NRXN3: variants seen among roughly 807,000 people sequenced by gnomAD.
The protein encoded by NRXN3 is neurexin III.
NRXN3 carries 32 observed loss-of-function variants against 137.6 expected under a neutral mutation model. The ratio of observed to expected loss-of-function variants is 0.23; its 90% CI spans 0.18 to 0.31. The LOEUF (loss-of-function observed/expected upper bound fraction) is 0.31, where lower values mean the gene tolerates loss of function less well. Among genes scored for constraint, NRXN3 ranks in the 10% least tolerant of loss-of-function variants. The pLI, the probability that NRXN3 is intolerant of heterozygous loss-of-function variation, is 1.00. For missense variants in NRXN3, 1,574 were observed against 2,062.5 expected (o/e 0.76, Z 4.59); for synonymous variants, 798 against 784.5 (o/e 1.02, Z -0.29).
At chr14:79,520,055 ATGTTATTTT>A (rs1161782804) in intron 16 of NRXN3, among the ~76,000 whole-genome samples, 1 of 151,842 alleles carries the variant, frequency 6.6e-6, no homozygotes, top group South Asian at 2.1e-4. Flanking sequence ...TGTTTTTTGA[ATGTTATTTT>A]TATTTCATTT....
At chr14:78,630,597 C>CTTTTTTTTTTTTTTTTTTTTTT (rs370862037) in intron 4 of NRXN3, among the ~76,000 whole-genome samples, 8 of 127,834 alleles carry the variant, frequency 6.3e-5, no homozygotes, top group South Asian at 2.4e-4. Context: ...TTCTTTCTTT[C>CTTTTTTTTTTTTTTTTTTTTTT]TTTTTTTTTT....
At chr14:79,299,025 A>C (rs2153221606) in intron 15 of NRXN3, 1 of 152,414 alleles carries the variant, frequency 6.6e-6, no homozygotes, top group African/African-American at 2.4e-5. Flanking sequence ...ATGCCAGATC[A>C]CACAGGAACT....
intron 15 of NRXN3, among the ~76,000 whole-genome samples, chr14:79,219,834 A>T (rs770520816): frequency 1.3e-4 from 20 of 152,210 alleles, no homozygotes; most frequent in Admixed American, 2.6e-4. Context: ...TAGTTTAATG[A>T]TGCTATAGAG....
At chr14:79,355,337 G>A (rs2093384675) in intron 15 of NRXN3, among the ~76,000 whole-genome samples, 1 of 148,090 alleles carries the variant, frequency 6.8e-6, no homozygotes, top group African/African-American at 2.5e-5. Flanking sequence ...CTTTTCCACT[G>A]CATGCCATGT....
intron 15 of NRXN3, among the ~76,000 whole-genome samples, chr14:79,169,279 T>TA (rs1264709818): frequency 6.6e-6 from 1 of 152,106 alleles, no homozygotes; most frequent in Non-Finnish European, 1.5e-5. Context: ...TTCACTCTGC[T>TA]ATGGCCACAA....
intron 16 of NRXN3, among the ~76,000 whole-genome samples, chr14:79,514,195 G>A (rs371175588): frequency 1.0e-3 from 98 of 94,746 alleles, no homozygotes; most frequent in African/African-American, 3.4e-3. Flanking sequence ...CCCTCCCCCC[G>A]CTCCCCACCA....
At chr14:78,472,711 C>A (rs765822210) in intron 4 of NRXN3, among the ~76,000 whole-genome samples, 8 of 152,084 alleles carry the variant, frequency 5.3e-5, no homozygotes, top group Non-Finnish European at 7.4e-5. Flanking sequence ...CAAATGGCCA[C>A]ACTGTCCTCT....
intron 15 of NRXN3, among the ~76,000 whole-genome samples, chr14:79,112,274 T>C (rs1347982305): frequency 6.6e-6 from 1 of 152,200 alleles, no homozygotes; most frequent in African/African-American, 2.4e-5. Context: ...CCCCTCCTTT[T>C]CTTTTCTTTT....
chr14:78,331,308 A>C (rs1346143755), intron 4 of NRXN3, among the ~76,000 whole-genome samples: 3 of 152,158 alleles, frequency 2.0e-5, no homozygotes, highest in Admixed American at 6.5e-5. Context: ...CCCTTCTCCC[A>C]GTTTAGCTAC....
intron 17 of NRXN3, among the ~76,000 whole-genome samples, chr14:79,691,343 G>A (rs2154024919): frequency 6.6e-6 from 1 of 152,162 alleles, no homozygotes; most frequent in Non-Finnish European, 1.5e-5. Context: ...AGTAAGGTAA[G>A]AGAAAGAGAA....
intron 1 of NRXN3, among the ~76,000 whole-genome samples, chr14:78,203,847 G>C (rs2061926232): frequency 6.7e-6 from 1 of 148,990 alleles, no homozygotes; most frequent in Admixed American, 6.7e-5. Flanking sequence ...TGGTTTGTGT[G>C]TGTGTGTGGT....
At chr14:79,496,237 TCACA>T (rs1285525964) in intron 16 of NRXN3, among the ~76,000 whole-genome samples, 81 of 144,972 alleles carry the variant, frequency 5.6e-4, no homozygotes, top group African/African-American at 1.7e-3. Context: ...TCTCTCTCTC[TCACA>T]CACACACACA....
chr14:79,259,762 C>T (rs1254900451), intron 15 of NRXN3, among the ~76,000 whole-genome samples: 1 of 149,342 alleles, frequency 6.7e-6, no homozygotes, highest in Non-Finnish European at 1.5e-5. Flanking sequence ...ACACACTTAG[C>T]TTTTCTGTTT....
intron 15 of NRXN3, among the ~76,000 whole-genome samples, chr14:79,261,991 T>G (rs1441544589): frequency 6.6e-6 from 1 of 152,106 alleles, no homozygotes; most frequent in Non-Finnish European, 1.5e-5. Flanking sequence ...AGCATGTCCT[T>G]GGAGCCCAGA....
At chr14:78,539,695 T>A (rs1490508507) in intron 4 of NRXN3, among the ~76,000 whole-genome samples, 1 of 152,224 alleles carries the variant, frequency 6.6e-6, no homozygotes, top group Non-Finnish European at 1.5e-5. Context: ...CTTTTAATTG[T>A]AATGTTAGGG....
intron 10 of NRXN3, among the ~76,000 whole-genome samples, chr14:78,919,397 A>G (rs2099265092): frequency 6.6e-6 from 1 of 152,182 alleles, no homozygotes; most frequent in African/African-American, 2.4e-5. Flanking sequence ...TTCAATATCT[A>G]TTTTCCAAGG....
intron 16 of NRXN3, among the ~76,000 whole-genome samples, chr14:79,575,641 T>C (rs1204036763): frequency 6.6e-6 from 1 of 152,144 alleles, no homozygotes; most frequent in African/African-American, 2.4e-5. Flanking sequence ...AAAGCAGAAT[T>C]TCCCATCACT....
In NRXN3 at chr14:78,709,429, A is replaced by C; in HGVS notation, c.1434A>C (p.Thr478=). 6.2e-7 allele frequency: 1 copy of C among 1,614,170 alleles called. No individual in the cohort carries two copies. Among genetic ancestry groups the C allele is most frequent in the Non-Finnish European group, 8.5e-7 (1 of 1,180,016 alleles). ...MGSISFDFRT[T]EPNGLILFTH... is the part of the protein sequence containing the mutation. ...CCATCTCCTTTGACTTCCGCACCAC[A>C]GAGCCCAATGGCCTGATCCTCTTCA... Residue 478 remains threonine (T), a synonymous_variant, in exon 7 of 21, where the codon ACA becomes ACC. Coordinates refer to ENST00000335750, the MANE Select transcript of NRXN3 (RefSeq NM_001330195.2).
intron 6 of NRXN3, among the ~76,000 whole-genome samples, chr14:78,652,426 G>T (rs553136890): frequency 6.6e-6 from 1 of 152,186 alleles, no homozygotes; most frequent in African/African-American, 2.4e-5. Context: ...GACTAAATTT[G>T]GTAGAGCTCT....
Sources: gnomAD v4.1 joint callset for allele counts (sites outside exome capture counted in the v4.1 genomes callset) on GRCh38, gnomAD v4.1.1 for gene constraint, MANE v1.5 for transcripts, NCBI Gene and HGNC (gene_info 2026-07-23, HGNC 2026-07-21) for gene names.